CDS2: variants seen among roughly 807,000 people sequenced by gnomAD.
CDS2 encodes the protein CDP-diacylglycerol synthase 2.
A neutral mutation model predicts 59.0 loss-of-function variants in CDS2; 47 were observed. That is an observed-to-expected ratio of 0.80 (90% CI 0.63 to 1.02). The LOEUF (loss-of-function observed/expected upper bound fraction) is 1.02. CDS2 is among the 50% of genes least tolerant of loss of function. The pLI is 0.00. For synonymous variants in CDS2, 207 were observed against 206.4 expected (o/e 1.00, Z -0.02); for missense variants, 356 against 558.9 (o/e 0.64, Z 3.66).
At chr20:5,152,753 GCA>G (rs1258669819) in intron 1 of CDS2, among the ~76,000 whole-genome samples, 4 of 152,016 alleles carry the variant, frequency 2.6e-5, no homozygotes, top group Admixed American at 6.6e-5. Flanking sequence ...TCACACACAC[GCA>G]CACACACATG....
intron 8 of CDS2, among the ~76,000 whole-genome samples, chr20:5,185,438 A>T (rs541794843): frequency 6.6e-6 from 1 of 152,252 alleles, no homozygotes; most frequent in East Asian, 1.9e-4. Flanking sequence ...AAAAGAAAGG[A>T]AAATATTTTT....
chr20:5,175,353 T>G, intron 3 of CDS2, 74 bp downstream of exon 3: 2 of 1,204,536 alleles, frequency 1.7e-6, no homozygotes, highest in Non-Finnish European at 2.5e-6. Context: ...AAGTGCGAGG[T>G]GTTGGGTTGG....
At chr20:5,145,247 C>CG (rs1555780928) in intron 1 of CDS2, among the ~76,000 whole-genome samples, 4 of 118,598 alleles carry the variant, frequency 3.4e-5, no homozygotes, top group African/African-American at 9.4e-5. Flanking sequence ...CCCCCCCCCC[C>CG]GCCCCCGCCA....
chr20:5,135,844 C>T (rs967878560), intron 1 of CDS2, among the ~76,000 whole-genome samples: 6 of 152,132 alleles, frequency 3.9e-5, no homozygotes, highest in Non-Finnish European at 7.4e-5. Context: ...TCCTTTCTCC[C>T]GCCTGCCTCT....
chr20:5,145,291 C>T (rs915611157), intron 1 of CDS2, among the ~76,000 whole-genome samples: 6 of 137,646 alleles, frequency 4.4e-5, no homozygotes, highest in Non-Finnish European at 6.1e-5. Flanking sequence ...TCCATTCTAG[C>T]GCTCAATATT....
intron 1 of CDS2, among the ~76,000 whole-genome samples, chr20:5,162,411 AC>A (rs374096037): frequency 1.2e-3 from 186 of 152,244 alleles, no homozygotes; most frequent in African/African-American, 4.3e-3. Context: ...TTCAATCGCT[AC>A]CTCTCAGGTT....
At position 5,184,747 on chromosome 20, in the gene CDS2, C is replaced by T. The variant is rs541950186; in HGVS notation, c.672-111C>T. ...TTTAACTTACTCCTTAATGGGTTAC[C>T]AGAATTTTATGGGTGATTTTGGTGC... On this transcript the variant is annotated intron_variant, in intron 7 of 12. Transcript: ENST00000460006. The surrounding 1 kb of genome is among the most constrained non-coding windows in gnomAD (Gnocchi z 4.3). 34 of 846,978 alleles carry T rather than the reference C, an allele frequency of 4.0e-5. No homozygotes were observed. The highest frequency in any genetic ancestry group is 6.1e-5 in the Non-Finnish European group (30 of 495,410). The allele number at this position is 846,978 out of a possible 1,614,324, so 52.5% of individuals were successfully genotyped here.
intron 1 of CDS2, among the ~76,000 whole-genome samples, chr20:5,167,954 CT>C (rs941961462): frequency 5.3e-5 from 8 of 152,078 alleles, no homozygotes; most frequent in African/African-American, 4.8e-5. Context: ...TGAAGTCTGC[CT>C]TTTAATGAAA....
chr20:5,156,029 G>T lies in CDS2; in HGVS notation c.58-17494G>T, dbSNP rs1336065826. ...TTTGTCTAATTCATTAGGCAAAAAT[G>T]AATGGGGGAGGGATGTAATCAGAGC... On this transcript the variant is annotated intron_variant, in intron 1 of 12. Coordinates refer to ENST00000460006, the MANE Select transcript of CDS2 (RefSeq NM_003818.4). Among the ~76,000 whole-genome samples the T allele has an allele frequency of 2.0e-5, 3 of 152,298 alleles. No individual in the cohort carries two copies. In the East Asian group the frequency reaches 5.8e-4, roughly 29 times the overall value.
intron 1 of CDS2, among the ~76,000 whole-genome samples, chr20:5,144,440 G>A (rs66486837): frequency 0.13 from 20,403 of 152,034 alleles, 1,661 homozygotes; most frequent in Middle Eastern, 0.24. Flanking sequence ...TTGGTAATGA[G>A]GTCGCCTTAG....
chr20:5,182,615 A>G (rs1033442076), intron 6 of CDS2, among the ~76,000 whole-genome samples, 170 bp downstream of exon 6: 2 of 152,220 alleles, frequency 1.3e-5, no homozygotes, highest in Non-Finnish European at 2.9e-5. Context: ...TAATGGCTCT[A>G]CGTTGACTTA....
chr20:5,173,767 C>G (rs1450897668), intron 2 of CDS2, 108 bp downstream of exon 2: 2 of 1,297,834 alleles, frequency 1.5e-6, no homozygotes, highest in Non-Finnish European at 2.2e-6. Flanking sequence ...GGCCCGCTGT[C>G]TTGCCTCAGC....
chr20:5,185,334 AG>A (rs1173747830), intron 8 of CDS2, among the ~76,000 whole-genome samples: 2 of 152,116 alleles, frequency 1.3e-5, no homozygotes, highest in Non-Finnish European at 2.9e-5. Flanking sequence ...CTGAGATGGG[AG>A]GATCTCTTGA....
rs2091038223 is a variant in CDS2, at chr20:5,182,436, G to A, written c.579G>A (p.Gln193=). The A allele has an allele frequency of 1.2e-6, 2 of 1,611,590 alleles. No homozygotes were observed. The highest frequency in any genetic ancestry group is 2.2e-5 in the South Asian group (2 of 90,702). ...LSLVKKHYRL[Q]FYMFGWTHVT... ...TGGTCAAGAAGCATTATCGACTGCA[G>A]TTCTACATGGTAAAGGAAATGCATG... The change falls in exon 6 of 13, where the codon CAG becomes CAA. Residue 193 remains glutamine, a synonymous_variant. Transcript: ENST00000460006.
rs1368742448 is a variant in CDS2 at position 5,194,503 on chromosome 20, G to C, written c.*4269G>C. 4 of 152,300 alleles carry C rather than the reference G, an allele frequency of 2.6e-5. No homozygotes were observed. Among genetic ancestry groups the C allele is most frequent in the African/African-American group, 9.7e-5 (4 of 41,440 alleles). 9.4% of individuals were successfully genotyped at this position (152,300 alleles called of 1,614,324 possible). A position where few individuals can be genotyped will look rare whatever the true frequency, so the allele number is the denominator to read the frequency against. On this transcript the variant is annotated 3_prime_UTR_variant, in exon 13 of 13. Coordinates refer to ENST00000460006, the MANE Select transcript of CDS2 (RefSeq NM_003818.4). ...GGTTGACCAGCAGTGGCCTTACCTG[G>C]CCTCTCAGGTGGATGGAGGCTGTTC...
chr20:5,179,318 C>T (rs1267372788), intron 5 of CDS2, among the ~76,000 whole-genome samples: 2 of 152,302 alleles, frequency 1.3e-5, no homozygotes, highest in African/African-American at 4.8e-5. Flanking sequence ...GACCGAGTTT[C>T]GCCATGTTGG....
chr20:5,178,638 A>C (rs1290004616), intron 4 of CDS2, among the ~76,000 whole-genome samples, 179 bp from the exon 5 acceptor site: 1 of 151,782 alleles, frequency 6.6e-6, no homozygotes, highest in Admixed American at 6.6e-5. Flanking sequence ...TAAATTTCTC[A>C]CCTACGGTGT....
rs891377500 is a variant in CDS2 at position 5,191,987 on chromosome 20, C to T, written c.*1753C>T. The stretch of plus-strand genomic sequence containing the variant: ...GAGCAAGTTCATGCCGGTAGAGGCT[C>T]ATTAAGTGAGGTCCTGGGCACCCCC... On this transcript the variant is annotated 3_prime_UTR_variant, in exon 13 of 13. Coordinates refer to ENST00000460006, the MANE Select transcript of CDS2 (RefSeq NM_003818.4). 3.3e-5 allele frequency: 5 copies of T among 152,160 alleles called. No homozygotes were observed. The highest frequency in any genetic ancestry group is 1.2e-4 in the African/African-American group (5 of 41,414). 9.4% of individuals were successfully genotyped at this position (152,160 alleles called of 1,614,324 possible).
At chr20:5,129,481 T>A (rs2090585424) in intron 1 of CDS2, among the ~76,000 whole-genome samples, 1 of 149,290 alleles carries the variant, frequency 6.7e-6, no homozygotes, top group African/African-American at 2.5e-5. Flanking sequence ...TTCGCTCTTT[T>A]GCCCAGGCTG....
Sources: gnomAD v4.1 joint callset for allele counts (sites outside exome capture counted in the v4.1 genomes callset) on GRCh38, gnomAD v4.1.1 for gene constraint, Gnocchi (gnomAD v3.1) non-coding constraint, MANE v1.5 for transcripts, NCBI Gene and HGNC (gene_info 2026-07-23, HGNC 2026-07-21) for gene names.